Variants in PTPRD observed in about 807,000 individuals in gnomAD.
PTPRD encodes the protein protein tyrosine phosphatase receptor type D.
Under a neutral mutation model 214.5 loss-of-function variants are expected in PTPRD, and 34 were observed. That is an observed-to-expected ratio of 0.16 (90% CI 0.12 to 0.21). The LOEUF (loss-of-function observed/expected upper bound fraction) is 0.21. Ranked by LOEUF, PTPRD falls within the 10% of genes least tolerant of loss-of-function variation. The pLI is 1.00. For synonymous variants in PTPRD, 1,128 were observed against 845.7 expected (o/e 1.33, Z -5.79); for missense variants, 2,545 against 2,398.7 (o/e 1.06, Z -1.27).
chr9:8,497,194 A>G, intron 26 of PTPRD, 48 bp downstream of exon 26: 2 of 1,498,498 alleles, frequency 1.3e-6, no homozygotes, highest in Non-Finnish European at 1.8e-6. Flanking sequence ...GTCAGAGAAA[A>G]CAAGCATATA....
intron 8 of PTPRD, among the ~76,000 whole-genome samples, chr9:9,559,764 C>T (rs1396991004): frequency 6.6e-6 from 1 of 152,200 alleles, no homozygotes; most frequent in South Asian, 2.1e-4. Context: ...AGTGGTCCAG[C>T]AAGTCTGTGA....
intron 2 of PTPRD, among the ~76,000 whole-genome samples, chr9:10,360,866 G>C (rs953816242): frequency 3.3e-5 from 5 of 152,158 alleles, no homozygotes; most frequent in African/African-American, 1.2e-4. Context: ...ACTTTGGGAG[G>C]CCAAGACGGG....
chr9:9,193,999 A>G (rs568939194), intron 9 of PTPRD, among the ~76,000 whole-genome samples: 2 of 152,160 alleles, frequency 1.3e-5, no homozygotes, highest in African/African-American at 4.8e-5. Flanking sequence ...GTACAAAAAT[A>G]TTTTATTTCT....
At chr9:8,746,227 G>T (rs934105644) in intron 11 of PTPRD, among the ~76,000 whole-genome samples, 4 of 152,152 alleles carry the variant, frequency 2.6e-5, no homozygotes, top group African/African-American at 9.7e-5. Flanking sequence ...AGAGACAACA[G>T]CCTGAGTGCA....
chr9:9,762,455 T>C (rs1186152036), intron 6 of PTPRD, among the ~76,000 whole-genome samples: 1 of 152,218 alleles, frequency 6.6e-6, no homozygotes, highest in East Asian at 1.9e-4. Context: ...TTATTTTTGT[T>C]TAACAGTTTG....
At chr9:10,106,727 C>A (rs1306002035) in intron 3 of PTPRD, among the ~76,000 whole-genome samples, 3 of 151,800 alleles carry the variant, frequency 2.0e-5, no homozygotes, top group African/African-American at 7.3e-5. Flanking sequence ...AAAAACGTGT[C>A]TTTCTCTTTC....
At position 9,453,873 on chromosome 9, in the gene PTPRD, A is replaced by G. The variant is rs576350374; in HGVS notation, c.-236-56391T>C. Among the ~76,000 whole-genome samples, 21 of 151,812 alleles carry G rather than the reference A, an allele frequency of 1.4e-4. No homozygotes were observed. The South Asian group carries it at 3.9e-3, about 28-fold the overall frequency. ...TCAGAAGGATAATTTCATGAGTGCC[A>G]CATTACTCTTCAATCCATCACTGCT... On this transcript the variant is annotated intron_variant, in intron 8 of 45. Coordinates refer to ENST00000381196, the MANE Select transcript of PTPRD (RefSeq NM_002839.4).
chr9:9,174,422 G>A lies in PTPRD; in HGVS notation c.-143+8882C>T, dbSNP rs541255972. 5.3e-5 allele frequency among the ~76,000 whole-genome samples: 8 copies of A among 152,164 alleles called. No individual in the cohort carries two copies. The South Asian group carries it at 1.5e-3, about 28-fold the overall frequency. On this transcript the variant is annotated intron_variant, in intron 10 of 45. Coordinates refer to ENST00000381196, the MANE Select transcript of PTPRD (RefSeq NM_002839.4). The stretch of plus-strand genomic sequence containing the variant: ...CTTACATACTTTTATTTTAATCAAG[G>A]TAAATCATTTATACATACTCCTATT...
At chr9:9,656,844 A>G (rs1445226771) in intron 7 of PTPRD, among the ~76,000 whole-genome samples, 1 of 152,098 alleles carries the variant, frequency 6.6e-6, no homozygotes. Flanking sequence ...TGATAGTGGG[A>G]AAGGTTGTAG....
intron 7 of PTPRD, among the ~76,000 whole-genome samples, chr9:9,720,043 G>A (rs905412656): frequency 3.3e-5 from 5 of 152,124 alleles, no homozygotes; most frequent in Non-Finnish European, 5.9e-5. Flanking sequence ...TTGGTAGCAC[G>A]AGCCAATCAA....
At chr9:9,086,352 C>T (rs571924550) in intron 10 of PTPRD, among the ~76,000 whole-genome samples, 1 of 152,078 alleles carries the variant, frequency 6.6e-6, no homozygotes, top group African/African-American at 2.4e-5. Context: ...TTATGGGCAG[C>T]CTATTGTGTC....
chr9:9,840,664 G>A (rs1304595879), intron 5 of PTPRD, among the ~76,000 whole-genome samples: 1 of 149,806 alleles, frequency 6.7e-6, no homozygotes, highest in Non-Finnish European at 1.5e-5. Context: ...TCAGGAGGCT[G>A]AGGCAGGAGA....
At chr9:9,398,209 T>G (rs979444130) in intron 8 of PTPRD, among the ~76,000 whole-genome samples, 3 of 151,832 alleles carry the variant, frequency 2.0e-5, no homozygotes, top group Non-Finnish European at 4.4e-5. Context: ...CCAGCTCAAT[T>G]AACATTTCTT....
intron 14 of PTPRD, among the ~76,000 whole-genome samples, chr9:8,590,017 T>G (rs2093977237): frequency 6.6e-6 from 1 of 152,154 alleles, no homozygotes; most frequent in African/African-American, 2.4e-5. Flanking sequence ...TTTCTGGGGT[T>G]ATGAACGTCG....
chr9:8,588,925 T>A (rs951367565), intron 14 of PTPRD, among the ~76,000 whole-genome samples: 19 of 152,170 alleles, frequency 1.2e-4, no homozygotes, highest in African/African-American at 4.6e-4. Flanking sequence ...GAATCAGGCT[T>A]TCCACCGAAG....
At chr9:9,985,202 A>G (rs1355940691) in intron 4 of PTPRD, among the ~76,000 whole-genome samples, 1 of 152,176 alleles carries the variant, frequency 6.6e-6, no homozygotes, top group Non-Finnish European at 1.5e-5. Flanking sequence ...CAGCCTTGAG[A>G]AGGGAGTCTC....
chr9:10,155,186 G>A (rs533047843), intron 3 of PTPRD, among the ~76,000 whole-genome samples: 1 of 152,000 alleles, frequency 6.6e-6, no homozygotes, highest in East Asian at 1.9e-4. Flanking sequence ...GTAATCCTAG[G>A]TATTTTACTC....
At chr9:8,546,492 TTTTTTC>T (rs1226403057) in intron 14 of PTPRD, among the ~76,000 whole-genome samples, 1 of 152,038 alleles carries the variant, frequency 6.6e-6, no homozygotes, top group Non-Finnish European at 1.5e-5. Context: ...TTTTTCTTTC[TTTTTTC>T]TTTTTCTTTT....
chr9:9,763,945 C>A (rs1044679694), intron 6 of PTPRD, among the ~76,000 whole-genome samples: 2 of 152,074 alleles, frequency 1.3e-5, no homozygotes, highest in Admixed American at 6.6e-5. Flanking sequence ...GCCAATTCCT[C>A]ATTTTTTAAA....
Sources: allele counts gnomAD v4.1 joint callset (sites outside exome capture counted in the v4.1 genomes callset), GRCh38; gene constraint gnomAD v4.1.1; transcripts MANE v1.5; gene names NCBI Gene and HGNC (gene_info 2026-07-23, HGNC 2026-07-21).